STK32B: variants seen among roughly 807,000 people sequenced by gnomAD.
The protein encoded by STK32B is serine/threonine kinase 32B.
Under a neutral mutation model 52.6 loss-of-function variants are expected in STK32B, and 43 were observed. That is an observed-to-expected ratio of 0.82 (90% CI 0.64 to 1.05). The LOEUF is 1.05. STK32B is among the 50% of genes least tolerant of loss of function. The pLI is 0.00. For synonymous variants in STK32B, 238 were observed against 204.3 expected, an observed-to-expected ratio of 1.17 and a Z score of -1.41; for missense variants, 621 against 534.6, an observed-to-expected ratio of 1.16 and a Z score of -1.59.
At chr4:5,155,653 T>A (rs962486913) in intron 2 of STK32B, among the ~76,000 whole-genome samples, 3 of 152,112 alleles carry the variant, frequency 2.0e-5, no homozygotes, top group African/African-American at 7.2e-5. Context: ...CCCATGCTGT[T>A]CTCATGATAG....
At chr4:5,364,489 A>G (rs911119026) in intron 4 of STK32B, among the ~76,000 whole-genome samples, 3 of 152,168 alleles carry the variant, frequency 2.0e-5, no homozygotes, top group African/African-American at 4.8e-5. Context: ...ATTACAGTGG[A>G]AGGGGGTTTC....
At chr4:5,324,906 G>A (rs534337091) in intron 3 of STK32B, among the ~76,000 whole-genome samples, 9 of 152,276 alleles carry the variant, frequency 5.9e-5, no homozygotes, top group Admixed American at 3.9e-4. Flanking sequence ...CTCATGTGCC[G>A]ACTTCTCCCA....
At chr4:5,492,522 G>C (rs1205248569) in intron 11 of STK32B, among the ~76,000 whole-genome samples, 85 of 151,770 alleles carry the variant, frequency 5.6e-4, no homozygotes, top group South Asian at 1.3e-3. Flanking sequence ...CGTCTGCAAA[G>C]AGGGACAATT....
intron 3 of STK32B, among the ~76,000 whole-genome samples, chr4:5,279,778 C>T (rs895999003): frequency 1.3e-5 from 2 of 152,238 alleles, no homozygotes; most frequent in African/African-American, 4.8e-5. Context: ...GCTGTCTCAA[C>T]ACCACGTGGA....
chr4:5,289,778 T>C (rs1170892313), intron 3 of STK32B, among the ~76,000 whole-genome samples: 1 of 149,858 alleles, frequency 6.7e-6, no homozygotes, highest in East Asian at 2.0e-4. Flanking sequence ...CTCTTGACCT[T>C]GTGATCCGCC....
intron 1 of STK32B, among the ~76,000 whole-genome samples, chr4:5,090,948 C>T (rs1023462979): frequency 6.6e-6 from 1 of 152,208 alleles, no homozygotes; most frequent in Admixed American, 6.5e-5. Context: ...TCTAGATAGA[C>T]TTATAACAAG....
chr4:5,249,929 G>T (rs10007289), intron 3 of STK32B, among the ~76,000 whole-genome samples: 2 of 151,930 alleles, frequency 1.3e-5, no homozygotes, highest in Non-Finnish European at 2.9e-5. Context: ...TCAAGGAGGC[G>T]CTGGTTTCAA....
At chr4:5,222,103 C>A (rs1202160966) in intron 3 of STK32B, among the ~76,000 whole-genome samples, 3 of 152,156 alleles carry the variant, frequency 2.0e-5, no homozygotes, top group Non-Finnish European at 2.9e-5. Context: ...CCTCACCAGA[C>A]AAATGAACCT....
chr4:5,140,693 T>C (rs1452210776), intron 2 of STK32B, among the ~76,000 whole-genome samples: 1 of 152,200 alleles, frequency 6.6e-6, no homozygotes, highest in Non-Finnish European at 1.5e-5. Flanking sequence ...GATTAGACTA[T>C]TTAAAACTCA....
chr4:5,246,532 C>G (rs1725461948), intron 3 of STK32B, among the ~76,000 whole-genome samples: 1 of 152,130 alleles, frequency 6.6e-6, no homozygotes, highest in South Asian at 2.1e-4. Context: ...CCTCCTTTAG[C>G]TCGGAGTAGT....
chr4:5,022,361 G>A, the STK32B span, among the ~76,000 whole-genome samples: 2 of 152,150 alleles, frequency 1.3e-5, no homozygotes, highest in Non-Finnish European at 1.5e-5. Context: ...AGAAACCTAC[G>A]CAGGACAGCC....
At chr4:5,324,107 A>G (rs1731715513) in intron 3 of STK32B, among the ~76,000 whole-genome samples, 1 of 152,242 alleles carries the variant, frequency 6.6e-6, no homozygotes, top group Non-Finnish European at 1.5e-5. Context: ...TAATCCTAGC[A>G]CTTTGGGAGG....
At chr4:5,260,159 G>C (rs1329530606) in intron 3 of STK32B, among the ~76,000 whole-genome samples, 1 of 152,132 alleles carries the variant, frequency 6.6e-6, no homozygotes, top group African/African-American at 2.4e-5. Context: ...GAGATTTTCT[G>C]CAAGATTATA....
intron 1 of STK32B, among the ~76,000 whole-genome samples, chr4:5,087,409 T>C (rs1712792537): frequency 6.6e-6 from 1 of 151,896 alleles, no homozygotes; most frequent in South Asian, 2.1e-4. Context: ...CTATGACTTA[T>C]AGAAAGCAAA....
chr4:5,229,222 G>GCT (rs1553853659), intron 3 of STK32B, among the ~76,000 whole-genome samples: 1 of 148,220 alleles, frequency 6.7e-6, no homozygotes, highest in East Asian at 2.0e-4. Context: ...TCTATATTTA[G>GCT]TTTTTTTTTT....
Position 5,163,151 on chromosome 4 carries a change from G to A in STK32B, c.109-5148G>A, listed in dbSNP as rs1577126124. On this transcript the variant is annotated intron_variant, in intron 2 of 11. Coordinates refer to ENST00000282908, the MANE Select transcript of STK32B (RefSeq NM_018401.3). ...GCAGTAGCGGGTAAGGAGTGGGACA[G>A]GAGAAGGCTTGCAGGGAAGGTATTC... Among the ~76,000 whole-genome samples, 3 of 152,316 alleles carry A rather than the reference G, an allele frequency of 2.0e-5. No individual in the cohort carries two copies. The East Asian group carries it at 5.8e-4, about 29-fold the overall frequency.
chr4:5,208,692 C>G (rs1182848240), intron 3 of STK32B, among the ~76,000 whole-genome samples: 2 of 152,076 alleles, frequency 1.3e-5, no homozygotes, highest in Non-Finnish European at 2.9e-5. Flanking sequence ...CTCAATGCCA[C>G]TGATAAACAC....
At chr4:5,165,980 G>T (rs1247712466) in intron 2 of STK32B, among the ~76,000 whole-genome samples, 1 of 152,186 alleles carries the variant, frequency 6.6e-6, no homozygotes, top group Non-Finnish European at 1.5e-5. Context: ...TGCCGGGTGG[G>T]TTTTGCTGAC....
chr4:5,406,138 C>G (rs1202399044), intron 5 of STK32B, among the ~76,000 whole-genome samples: 1 of 152,136 alleles, frequency 6.6e-6, no homozygotes, highest in East Asian at 1.9e-4. Context: ...GAGCCTCATG[C>G]AAGTCCAAAA....
Sources: allele counts gnomAD v4.1 joint callset (sites outside exome capture counted in the v4.1 genomes callset), GRCh38; gene constraint gnomAD v4.1.1; transcripts MANE v1.5; gene names NCBI Gene and HGNC (gene_info 2026-07-23, HGNC 2026-07-21).